The following FAM13A variants were observed in gnomAD, a reference collection of about 807,000 sequenced individuals.
The protein encoded by FAM13A is family with sequence similarity 13 member A.
Under a neutral mutation model 129.6 loss-of-function variants are expected in FAM13A, and 76 were observed. The ratio of observed to expected loss-of-function variants is 0.59; its 90% CI spans 0.49 to 0.71. The LOEUF is 0.71. Among genes scored for constraint, FAM13A ranks in the 30% least tolerant of loss-of-function variants. FAM13A has a pLI of 0.00. For missense variants in FAM13A, 1,108 were observed against 1,249.3 expected, an observed-to-expected ratio of 0.89 and a Z score of 1.70; for synonymous variants, 443 against 449.9, an observed-to-expected ratio of 0.98 and a Z score of 0.20.
chr4:88,972,578 G>A (rs962634911), intron 4 of FAM13A, among the ~76,000 whole-genome samples: 4 of 151,986 alleles, frequency 2.6e-5, no homozygotes, highest in Non-Finnish European at 4.4e-5. Flanking sequence ...TAGGATTACA[G>A]GTGTGAGCCA....
chr4:88,982,733 G>A (rs1761794872), intron 4 of FAM13A, among the ~76,000 whole-genome samples: 1 of 152,064 alleles, frequency 6.6e-6, no homozygotes, highest in Non-Finnish European at 1.5e-5. Flanking sequence ...GGGATATTGG[G>A]GATTTCCTTA....
In FAM13A at chr4:88,771,716, C is replaced by T. The variant is rs544780598; in HGVS notation, c.1459-3657G>A. Among the ~76,000 whole-genome samples, 33 of 152,162 alleles carry T rather than the reference C, an allele frequency of 2.2e-4. No individual in the cohort carries two copies. The South Asian group carries it at 6.8e-3, about 32-fold the overall frequency. On this transcript the variant is annotated intron_variant, in intron 11 of 23. Coordinates refer to ENST00000264344, the MANE Select transcript of FAM13A (RefSeq NM_014883.4). ...CTTTAGGTCTAATTTAATAAAGTTG[C>T]TTCTTGTATTGCAATTATTTCCAAC...
intron 10 of FAM13A, among the ~76,000 whole-genome samples, chr4:88,784,920 A>G (rs901583819): frequency 6.6e-6 from 1 of 152,306 alleles, no homozygotes; most frequent in African/African-American, 2.4e-5. Flanking sequence ...TTATTATTAC[A>G]TAATGAAGAT....
chr4:88,737,783 G>C (rs1437317547), intron 20 of FAM13A: 5 of 548,642 alleles, frequency 9.1e-6, no homozygotes, highest in Non-Finnish European at 9.7e-6. Context: ...AGTACAGCAA[G>C]AACAGCACAG....
intron 6 of FAM13A, among the ~76,000 whole-genome samples, chr4:88,863,630 G>T (rs1438019982): frequency 6.6e-6 from 1 of 152,120 alleles, no homozygotes; most frequent in Non-Finnish European, 1.5e-5. Context: ...TGACTTGCGG[G>T]GACTATGCTA....
intron 14 of FAM13A, among the ~76,000 whole-genome samples, chr4:88,752,218 C>T (rs1183447326): frequency 1.3e-5 from 2 of 152,106 alleles, no homozygotes; most frequent in African/African-American, 4.8e-5. Flanking sequence ...TCATGTGCAG[C>T]CAGGTTTGAG....
intron 7 of FAM13A, among the ~76,000 whole-genome samples, chr4:88,835,763 C>T (rs1734708409): frequency 6.6e-6 from 1 of 152,010 alleles, no homozygotes; most frequent in Non-Finnish European, 1.5e-5. Context: ...AGCTGTTGGT[C>T]TGACAGGAGG....
chr4:88,825,528 ATATCT>A (rs1465312110), intron 7 of FAM13A, among the ~76,000 whole-genome samples: 2 of 152,162 alleles, frequency 1.3e-5, no homozygotes, highest in Non-Finnish European at 2.9e-5. Flanking sequence ...AACGTTTTAA[ATATCT>A]TATACAAATA....
At chr4:88,946,293 C>G (rs1755838767) in intron 4 of FAM13A, among the ~76,000 whole-genome samples, 1 of 151,612 alleles carries the variant, frequency 6.6e-6, no homozygotes, top group Non-Finnish European at 1.5e-5. Flanking sequence ...TTATAAATAA[C>G]TCAGTCTCCT....
At chr4:89,009,401 C>T (rs978683392) in intron 3 of FAM13A, among the ~76,000 whole-genome samples, 4 of 152,162 alleles carry the variant, frequency 2.6e-5, no homozygotes, top group Admixed American at 2.0e-4. Context: ...AAGCAGTCTT[C>T]CTTGGGCTGT....
At chr4:89,049,652 G>T (rs1771292956) in intron 1 of FAM13A, among the ~76,000 whole-genome samples, 1 of 152,010 alleles carries the variant, frequency 6.6e-6, no homozygotes, top group South Asian at 2.1e-4. Flanking sequence ...GAGTTCTATT[G>T]TATTACTATT....
intron 7 of FAM13A, among the ~76,000 whole-genome samples, chr4:88,807,390 C>A (rs1228803499): frequency 2.6e-5 from 4 of 152,130 alleles, no homozygotes; most frequent in Non-Finnish European, 4.4e-5. Flanking sequence ...CATTAATTAT[C>A]TCAATTAGAT....
chr4:88,809,905 T>C (rs1481226651), intron 7 of FAM13A, among the ~76,000 whole-genome samples: 2 of 151,840 alleles, frequency 1.3e-5, no homozygotes, highest in East Asian at 1.9e-4. Flanking sequence ...TGTAAGAGTT[T>C]TCGGATCAGT....
intron 6 of FAM13A, among the ~76,000 whole-genome samples, chr4:88,899,489 A>ATAAG (rs1017671505): frequency 6.6e-6 from 1 of 151,244 alleles, no homozygotes; most frequent in South Asian, 2.2e-4. Flanking sequence ...TGGAAAGAAA[A>ATAAG]TAAGTAAGTA....
chr4:88,747,713 G>A lies in FAM13A; in HGVS notation c.2300C>T (p.Pro767Leu), dbSNP rs1410675279. 1 of 1,614,054 alleles carries A rather than the reference G, an allele frequency of 6.2e-7. No homozygotes were observed. Among genetic ancestry groups the A allele is most frequent in the Admixed American group, 1.7e-5 (1 of 60,006 alleles). Residue 767 changes from proline (P) to leucine (L), a missense_variant, in exon 18 of 24, where the codon CCC becomes CTC. By Grantham distance (98) the Pro-to-Leu change is moderately conservative. Transcript: ENST00000264344. ...AGATTCCAATGTGGCTTCAACACTG[G>A]GCTTTATTGCTTTATCCACCAGCTC... The part of the protein sequence containing the change: ...KQELVDKAIK[P>L]SVEATLESIQ...
chr4:88,756,043 C>A (rs1237549944), intron 14 of FAM13A, among the ~76,000 whole-genome samples: 2 of 152,170 alleles, frequency 1.3e-5, no homozygotes, highest in East Asian at 3.8e-4. Context: ...AAGGAGTATC[C>A]TCAAATCAAC....
intron 7 of FAM13A, among the ~76,000 whole-genome samples, chr4:88,828,531 T>C (rs767440531): frequency 2.6e-5 from 4 of 152,080 alleles, no homozygotes; most frequent in Non-Finnish European, 4.4e-5. Context: ...ATTATTTGAA[T>C]CTGCTGTATA....
chr4:88,778,440 T>C (rs1722192061), intron 11 of FAM13A, among the ~76,000 whole-genome samples: 1 of 152,206 alleles, frequency 6.6e-6, no homozygotes, highest in Admixed American at 6.5e-5. Flanking sequence ...ATTCACTTTC[T>C]TACCCCACCT....
In FAM13A at chr4:88,922,876, C is replaced by T. The variant is rs562542798; in HGVS notation, c.759+15212G>A. ...AAAATGATAAAGGGGATATCACCAC[C>T]GATCCCACAGAAATTCAAACTACCA... On this transcript the variant is annotated intron_variant, in intron 5 of 23. Transcript: ENST00000264344. Among the ~76,000 whole-genome samples the T allele has an allele frequency of 1.9e-4, 29 of 152,158 alleles. No individual in the cohort carries two copies. In the South Asian group the frequency reaches 3.5e-3, roughly 19 times the overall value.
Sources: gnomAD v4.1 joint callset for allele counts (sites outside exome capture counted in the v4.1 genomes callset) on GRCh38, gnomAD v4.1.1 for gene constraint, MANE v1.5 for transcripts, NCBI Gene and HGNC (gene_info 2026-07-23, HGNC 2026-07-21) for gene names.